Variants in MON2 observed in about 807,000 individuals in gnomAD.
The protein encoded by MON2 is MON2 regulator of endosome-to-Golgi trafficking, also known as protein MON2 homolog.
MON2 carries 84 observed loss-of-function variants against 208.6 expected under a neutral mutation model. That is an observed-to-expected ratio of 0.40 (90% CI 0.34 to 0.48). The LOEUF is 0.48. Among genes scored for constraint, MON2 ranks in the 20% least tolerant of loss-of-function variants. The probability of loss-of-function intolerance (pLI) is 0.59; values close to 1 mark genes in which losing one functional copy is unlikely to be tolerated. For synonymous variants in MON2, 660 were observed against 694.0 expected, an observed-to-expected ratio of 0.95 and a Z score of 0.77; for missense variants, 1,611 against 2,015.4, an observed-to-expected ratio of 0.80 and a Z score of 3.84.
intron 8 of MON2, among the ~76,000 whole-genome samples, chr12:62,516,360 G>C (rs1383092982): frequency 6.6e-6 from 1 of 152,042 alleles, no homozygotes. Context: ...ATAAGATCTA[G>C]TATTTGATAG....
rs963602731 is a variant in MON2 at position 62,562,234 on chromosome 12, G to A, written c.4032+1121G>A. Among the ~76,000 whole-genome samples, 5 of 151,724 alleles carry A rather than the reference G, an allele frequency of 3.3e-5. No homozygotes were observed. In the East Asian group the frequency reaches 7.7e-4, roughly 23 times the overall value. On this transcript the variant is annotated intron_variant, in intron 26 of 34. Coordinates refer to ENST00000393630, the MANE Select transcript of MON2 (RefSeq NM_015026.3). ...AAGACATAGGCCCTTTGAGATGCCC[G>A]TAATCTGGTACTCTGATTCAGATCT...
Position 62,564,279 on chromosome 12 carries a change from C to G in MON2, c.4033-958C>G, listed in dbSNP as rs181500670. On this transcript the variant is annotated intron_variant, in intron 26 of 34. Transcript: ENST00000393630. Reference sequence around the variant, plus strand: ...GTGCATAAAATAAATTTTGTACATACTGTTTTTAAAGAAACTTTTTAAAAA... The same window carrying G: ...GTGCATAAAATAAATTTTGTACATAGTGTTTTTAAAGAAACTTTTTAAAAA... Among the ~76,000 whole-genome samples, 23 of 152,128 alleles carry G rather than the reference C, an allele frequency of 1.5e-4. 1 individual carries two copies. The East Asian group carries it at 4.2e-3, about 28-fold the overall frequency.
rs919461281 is a variant in MON2, at chr12:62,566,148, C to G, written c.4194+117C>G. On this transcript the variant is annotated intron_variant, in intron 28 of 34. Transcript: ENST00000393630. ...TCCAATAGTTTTAATTTTTGCCTGG[C>G]TGAAAATTATTTTTTTCATGAAGTA... The G allele has an allele frequency of 3.7e-6, 5 of 1,358,726 alleles. No homozygotes were observed. The African/African-American group carries it at 7.4e-5, about 20-fold the overall frequency. 84.2% of individuals were successfully genotyped at this position (1,358,726 alleles called of 1,614,324 possible).
At chr12:62,524,844 A>G (rs982060146) in intron 9 of MON2, among the ~76,000 whole-genome samples, 9 of 152,184 alleles carry the variant, frequency 5.9e-5, no homozygotes, top group Non-Finnish European at 1.5e-5. Context: ...AGGTAAACAC[A>G]TGTGGTGAGT....
At chr12:62,557,448 C>T (rs2074010119) in intron 25 of MON2, among the ~76,000 whole-genome samples, 1 of 152,132 alleles carries the variant, frequency 6.6e-6, no homozygotes, top group African/African-American at 2.4e-5. Context: ...CCTCCTATAA[C>T]AAAGAATTAT....
At chr12:62,555,781 C>G (rs926780105) in intron 24 of MON2, among the ~76,000 whole-genome samples, 8 of 146,866 alleles carry the variant, frequency 5.4e-5, no homozygotes, top group African/African-American at 2.0e-4. Flanking sequence ...TGCACTCCAG[C>G]CTGGATGATA....
intron 8 of MON2, among the ~76,000 whole-genome samples, chr12:62,522,374 C>CT (rs1349109697): frequency 1.3e-5 from 2 of 152,176 alleles, no homozygotes; most frequent in Admixed American, 6.5e-5. Flanking sequence ...GGACAAGCTC[C>CT]TGACAAATAG....
intron 25 of MON2, among the ~76,000 whole-genome samples, chr12:62,557,928 TTATATATATATA>T (rs71086609): frequency 1.5e-4 from 7 of 46,134 alleles, no homozygotes; most frequent in African/African-American, 5.8e-4. Flanking sequence ...ACGAATAGAT[TTATATATATATA>T]TATATATATA....
chr12:62,520,188 C>A (rs1352581293), intron 8 of MON2, among the ~76,000 whole-genome samples: 4 of 152,198 alleles, frequency 2.6e-5, no homozygotes, highest in African/African-American at 7.2e-5. Flanking sequence ...ATTGGTCTTA[C>A]ATTTCAAATG....
intron 7 of MON2, among the ~76,000 whole-genome samples, chr12:62,505,805 C>T (rs2071070113): frequency 6.6e-6 from 1 of 151,870 alleles, no homozygotes; most frequent in East Asian, 1.9e-4. Context: ...GTGGGAGGAT[C>T]GTTTGACCCC....
At position 62,600,058 on chromosome 12, in the gene MON2, C is replaced by A. The variant is rs780422479; in HGVS notation, c.*7309C>A. 6.6e-6 allele frequency: 1 copy of A among 152,206 alleles called. No individual in the cohort carries two copies. The highest frequency in any genetic ancestry group is 1.5e-5 in the Non-Finnish European group (1 of 68,034). The allele number at this position is 152,206 out of a possible 1,614,324, so 9.4% of individuals were successfully genotyped here. ...GGCTTCTTAGATGCAAATCCCAACT[C>A]TGTTATTTTACTAAATGTGTGACCT... On this transcript the variant is annotated 3_prime_UTR_variant, in exon 35 of 35. Coordinates refer to ENST00000393630, the MANE Select transcript of MON2 (RefSeq NM_015026.3).
intron 8 of MON2, among the ~76,000 whole-genome samples, chr12:62,523,092 C>T (rs1592949555): frequency 6.6e-6 from 1 of 152,174 alleles, no homozygotes; most frequent in African/African-American, 2.4e-5. Context: ...ACTTATGCCA[C>T]TTGTAAAGCT....
intron 7 of MON2, among the ~76,000 whole-genome samples, chr12:62,504,683 C>CT (rs75092735): frequency 0.37 from 56,478 of 151,986 alleles, 10,701 homozygotes; most frequent in African/African-American, 0.41. Context: ...GTATTTGTTT[C>CT]TTTTTTTAAC....
rs1018613928 is a variant in MON2 at position 62,498,966 on chromosome 12, A to C, written c.483A>C (p.Thr161=). ...FRLHFTKDNI[T]NNTAAATVRQ... ...TACACTTCACAAAAGATAATATTACAAATAATACAGCTGCTGCTACAGTGC... is the reference window on the plus strand; with the variant it reads ...TACACTTCACAAAAGATAATATTACCAATAATACAGCTGCTGCTACAGTGC... Residue 161 remains threonine, a synonymous_variant, in exon 5 of 35, where the codon ACA becomes ACC. Transcript: ENST00000393630. 1.2e-6 allele frequency: 2 copies of C among 1,611,548 alleles called. No individual in the cohort carries two copies. The highest frequency in any genetic ancestry group is 1.7e-6 in the Non-Finnish European group (2 of 1,179,132).
chr12:62,570,739 T>C (rs1475431407), intron 29 of MON2, among the ~76,000 whole-genome samples: 1 of 136,264 alleles, frequency 7.3e-6, no homozygotes. Flanking sequence ...TTTTTTTTTT[T>C]TTTTTTTTTT....
chr12:62,584,310 C>T (rs764966297), intron 32 of MON2, among the ~76,000 whole-genome samples: 4 of 152,044 alleles, frequency 2.6e-5, no homozygotes, highest in Admixed American at 6.6e-5. Context: ...ATGACATTTT[C>T]GGAGGTACAT....
chr12:62,510,943 C>G (rs917597846), intron 8 of MON2, among the ~76,000 whole-genome samples: 3 of 152,086 alleles, frequency 2.0e-5, no homozygotes, highest in Non-Finnish European at 4.4e-5. Flanking sequence ...AGCAAAGTTG[C>G]AAATATGTCT....
At chr12:62,468,021 G>T (rs2068599093) in intron 1 of MON2, among the ~76,000 whole-genome samples, 1 of 151,836 alleles carries the variant, frequency 6.6e-6, no homozygotes, top group African/African-American at 2.4e-5. Flanking sequence ...AAAGATGTCA[G>T]AGCAGAAGGG....
chr12:62,565,432 A>G, intron 27 of MON2, 52 bp downstream of exon 27: 1 of 1,460,928 alleles, frequency 6.8e-7, no homozygotes, highest in Non-Finnish European at 9.4e-7. Context: ...GCTTATAAAT[A>G]CAGATAGTTC....
Sources: gnomAD v4.1 joint callset for allele counts (sites outside exome capture counted in the v4.1 genomes callset) on GRCh38, gnomAD v4.1.1 for gene constraint, MANE v1.5 for transcripts, NCBI Gene and HGNC (gene_info 2026-07-23, HGNC 2026-07-21) for gene names.